NAV3: variants seen among roughly 807,000 people sequenced by gnomAD.
NAV3 encodes pore membrane and/or filament interacting like protein 1.
Under a neutral mutation model 244.7 loss-of-function variants are expected in NAV3, and 87 were observed. The observed-to-expected ratio is 0.36, with a 90% CI of 0.30 to 0.42. The LOEUF is 0.42. Ranked by LOEUF, NAV3 falls within the 20% of genes least tolerant of loss-of-function variation. The probability of loss-of-function intolerance (pLI) is 1.00; values close to 1 mark genes in which losing one functional copy is unlikely to be tolerated. For missense variants in NAV3, 2,663 were observed against 2,893.3 expected (o/e 0.92, Z 1.83); for synonymous variants, 1,126 against 1,042.2 (o/e 1.08, Z -1.55).
At chr12:78,142,692 T>C (rs1390407431) in intron 20 of NAV3, among the ~76,000 whole-genome samples, 1 of 82,424 alleles carries the variant, frequency 1.2e-5, no homozygotes, top group Non-Finnish European at 2.5e-5. Context: ...TGTATATATA[T>C]ACATATGTAT....
rs188381247 is a variant in NAV3 at position 77,794,391 on chromosome 12, C to T, written c.73-145928C>T. On this transcript the variant is annotated intron_variant, in intron 2 of 8. Coordinates refer to the NAV3 transcript ENST00000550042. ...TCTTCTTTTGCTTATTGCACTTATA[C>T]TAAGTCATTTTCAAGATCCCTACAC... 9.4e-4 allele frequency among the ~76,000 whole-genome samples: 143 copies of T among 152,226 alleles called. 1 individual carries two copies. Among genetic ancestry groups the T allele is most frequent in the African/African-American group, 3.0e-3 (123 of 41,536 alleles).
intron 2 of NAV3, among the ~76,000 whole-genome samples, chr12:77,744,638 C>T (rs1354907478): frequency 6.6e-6 from 1 of 151,878 alleles, no homozygotes; most frequent in African/African-American, 2.4e-5. Context: ...TCTGTTTAAT[C>T]AGTGGACGCA....
intron 2 of NAV3, among the ~76,000 whole-genome samples, chr12:77,819,832 C>T (rs1040471838): frequency 1.3e-4 from 19 of 151,934 alleles, no homozygotes; most frequent in Admixed American, 7.2e-4. Context: ...AAAACAGGAA[C>T]GAGAAAGATA....
chr12:77,977,206 G>A (rs1868606684), intron 5 of NAV3, among the ~76,000 whole-genome samples: 3 of 151,996 alleles, frequency 2.0e-5, no homozygotes, highest in Admixed American at 6.6e-5. Context: ...TTTGATGAGA[G>A]CTCTTTCAGT....
At chr12:77,597,909 A>G (rs1488389359) in intron 2 of NAV3, among the ~76,000 whole-genome samples, 1 of 152,052 alleles carries the variant, frequency 6.6e-6, no homozygotes, top group African/African-American at 2.4e-5. Flanking sequence ...AAGCCTCCCT[A>G]TATCTCTGAC....
intron 3 of NAV3, among the ~76,000 whole-genome samples, chr12:77,960,599 A>G (rs1891813762): frequency 6.7e-6 from 1 of 148,606 alleles, no homozygotes; most frequent in African/African-American, 2.4e-5. Context: ...TATAACATAT[A>G]TGTAATGTAT....
In NAV3 at chr12:77,683,222, T is replaced by G. The variant is rs10161477; in HGVS notation, c.72+110956T>G. 4.3e-3 allele frequency among the ~76,000 whole-genome samples: 648 copies of G among 152,294 alleles called. 5 individuals carry two copies. Among genetic ancestry groups the G allele is most frequent in the African/African-American group, 0.015 (615 of 41,580 alleles). On this transcript the variant is annotated intron_variant, in intron 2 of 8. Coordinates refer to the NAV3 transcript ENST00000550042. ...ATAAGGTGAGGGTCTAATTTCATTC[T>G]TTTGCATGTGGTTTTCTAGTTTTCC...
chr12:78,178,166 T>G (rs889779102), intron 28 of NAV3, among the ~76,000 whole-genome samples: 20 of 151,462 alleles, frequency 1.3e-4, no homozygotes, highest in Middle Eastern at 3.4e-3. Flanking sequence ...TAGTGTTTTT[T>G]TTTTTTTTTT....
rs554464703 is a variant in NAV3 at position 78,191,458 on chromosome 12, C to T, written c.6291+1239C>T. The stretch of plus-strand genomic sequence containing the variant: ...GCACGCGCACATACACATACAACCA[C>T]ACACACACACATCTTTGTTCAAAAC... On this transcript the variant is annotated intron_variant, in intron 34 of 39. Coordinates refer to ENST00000397909, the MANE Select transcript of NAV3 (RefSeq NM_001024383.2). Among the ~76,000 whole-genome samples the T allele has an allele frequency of 5.3e-4, 80 of 152,064 alleles. 1 individual carries two copies. The highest frequency in any genetic ancestry group is 1.9e-3 in the African/African-American group (78 of 41,518).
chr12:77,668,063 AG>A (rs1230799933), intron 2 of NAV3, among the ~76,000 whole-genome samples: 1 of 152,228 alleles, frequency 6.6e-6, no homozygotes, highest in African/African-American at 2.4e-5. Context: ...TTTGGCTCTC[AG>A]GAAGCCCTAT....
chr12:77,648,971 T>A (rs1338231257), intron 2 of NAV3, among the ~76,000 whole-genome samples: 1 of 152,140 alleles, frequency 6.6e-6, no homozygotes, highest in Non-Finnish European at 1.5e-5. Flanking sequence ...GTGGTCCAGA[T>A]AGAATCAGTC....
chr12:77,844,970 T>C (rs926497329), intron 1 of NAV3, among the ~76,000 whole-genome samples: 25 of 152,308 alleles, frequency 1.6e-4, no homozygotes, highest in Middle Eastern at 3.4e-3. Context: ...CGTACTGTTA[T>C]AGCATCATAA....
chr12:77,987,254 C>A (rs1266353455), intron 5 of NAV3, among the ~76,000 whole-genome samples: 2 of 152,072 alleles, frequency 1.3e-5, no homozygotes, highest in Non-Finnish European at 2.9e-5. Context: ...TTGATACAGA[C>A]AATATGGTAC....
chr12:77,925,243 T>C (rs532199479), intron 1 of NAV3, among the ~76,000 whole-genome samples: 38 of 152,286 alleles, frequency 2.5e-4, no homozygotes, highest in Admixed American at 8.5e-4. Flanking sequence ...ACTTTAATCA[T>C]AGGAATAGGT....
chr12:77,765,772 G>T (rs370054723), intron 2 of NAV3, among the ~76,000 whole-genome samples: 1 of 151,960 alleles, frequency 6.6e-6, no homozygotes, highest in Admixed American at 6.6e-5. Context: ...GGGAATAGAA[G>T]TCAGAAAAAG....
intron 24 of NAV3, among the ~76,000 whole-genome samples, chr12:78,172,308 T>A (rs992999258): frequency 6.6e-5 from 10 of 151,678 alleles, no homozygotes; most frequent in African/African-American, 2.4e-4. Flanking sequence ...ATAGTTATAT[T>A]GAATGAAAAA....
intron 2 of NAV3, among the ~76,000 whole-genome samples, chr12:77,716,272 T>G (rs1369011814): frequency 6.6e-6 from 1 of 150,776 alleles, no homozygotes; most frequent in Non-Finnish European, 1.5e-5. Flanking sequence ...AGAAAAGTAA[T>G]AGCAAGTTTT....
rs115882485 is a variant in NAV3, at chr12:78,034,923, G to T, written c.2023+13061G>T. Among the ~76,000 whole-genome samples the T allele has an allele frequency of 6.9e-3, 1,051 of 152,166 alleles. 5 individuals are homozygous for T. Among genetic ancestry groups the T allele is most frequent in the African/African-American group, 0.023 (974 of 41,526 alleles). On this transcript the variant is annotated intron_variant, in intron 9 of 39. Transcript: ENST00000397909. ...TTTATTTAGCACATTTTATATAAACGAGTAGTATTTAAAAAGTATAGAATT... is the reference window on the plus strand; with the variant it reads ...TTTATTTAGCACATTTTATATAAACTAGTAGTATTTAAAAAGTATAGAATT...
intron 1 of NAV3, among the ~76,000 whole-genome samples, chr12:77,883,982 T>C (rs530762648): frequency 1.2e-4 from 19 of 152,130 alleles, no homozygotes; most frequent in Non-Finnish European, 2.5e-4. Context: ...CTGTTATAAT[T>C]TAAAATAAAG....
Sources: gnomAD v4.1 joint callset for allele counts (sites outside exome capture counted in the v4.1 genomes callset) on GRCh38, gnomAD v4.1.1 for gene constraint, MANE v1.5 for transcripts, NCBI Gene and HGNC (gene_info 2026-07-23, HGNC 2026-07-21) for gene names.